The following CPA3 variants were observed in gnomAD, a reference collection of about 807,000 sequenced individuals.
The protein encoded by CPA3 is carboxypeptidase A3.
CPA3 carries 52 observed loss-of-function variants against 55.8 expected under a neutral mutation model. That is an observed-to-expected ratio of 0.93 (90% confidence interval 0.75 to 1.17). CPA3 has a LOEUF of 1.17. CPA3 is among the 50% of genes most tolerant of loss of function. The pLI is 0.00. For synonymous variants in CPA3, 179 were observed against 171.2 expected (o/e 1.05, Z -0.36); for missense variants, 547 against 509.1 (o/e 1.07, Z -0.72).
chr3:148,875,191 T>C (rs965057752), intron 3 of CPA3, among the ~76,000 whole-genome samples: 6 of 152,124 alleles, frequency 3.9e-5, no homozygotes, highest in Non-Finnish European at 7.3e-5. Context: ...CTAGAGTGAA[T>C]GTTAAAAAAT....
chr3:148,884,669 C>T (rs3772578), intron 9 of CPA3, among the ~76,000 whole-genome samples: 93,980 of 151,892 alleles, frequency 0.62, 29,235 homozygotes, highest in Middle Eastern at 0.69. Flanking sequence ...GAGCAGAGAC[C>T]TGAATCAGTC....
intron 2 of CPA3, among the ~76,000 whole-genome samples, chr3:148,867,140 T>A (rs951204461): frequency 5.9e-5 from 9 of 152,174 alleles, no homozygotes; most frequent in African/African-American, 2.2e-4. Context: ...ATCCTGCTCC[T>A]CCACCTTCTT....
intron 10 of CPA3, among the ~76,000 whole-genome samples, chr3:148,888,240 G>A (rs1401544311): frequency 3.9e-5 from 6 of 152,162 alleles, no homozygotes; most frequent in Non-Finnish European, 7.3e-5. Context: ...TGAAAATGCC[G>A]GAATCAACAT....
intron 4 of CPA3, 42 bp downstream of exon 4, chr3:148,878,585 A>G (rs1359577267): frequency 7.0e-6 from 11 of 1,561,760 alleles, no homozygotes; most frequent in South Asian, 4.6e-5. Flanking sequence ...AGTTACCCTT[A>G]ATATTTATTG....
chr3:148,883,788 A>G lies in CPA3; in HGVS notation c.954A>G (p.Ser318=). ...QMLLFPYGYT[S]KLPPNHEDLA... ...TATTGTTTCCCTATGGATATACATC[A>G]AAACTGCCACCTAACCATGAGGACT... The change falls in exon 9 of 11, where the codon TCA becomes TCG. Residue 318 remains serine, a synonymous_variant. Transcript: ENST00000296046. The G allele has an allele frequency of 1.2e-6, 2 of 1,614,084 alleles. No homozygotes were observed. The highest frequency in any genetic ancestry group is 1.7e-6 in the Non-Finnish European group (2 of 1,179,926).
At chr3:148,877,572 A>G (rs1714243032) in intron 3 of CPA3, among the ~76,000 whole-genome samples, 4 of 152,140 alleles carry the variant, frequency 2.6e-5, no homozygotes, top group Admixed American at 2.0e-4. Context: ...CCTCAACATT[A>G]GTCTCCTAGT....
At chr3:148,867,049 C>A (rs1713920516) in intron 2 of CPA3, among the ~76,000 whole-genome samples, 1 of 152,190 alleles carries the variant, frequency 6.6e-6, no homozygotes, top group African/African-American at 2.4e-5. Context: ...AGCCACCATG[C>A]CCAGTCAGAA....
rs1356209982 is a variant in CPA3, at chr3:148,879,829, T to C, written c.516T>C (p.Asp172=). The stretch of plus-strand genomic sequence containing the variant: ...AAAGAAGAAAGGCTATTTTTACGGA[T>C]TGTGGCATTCACGCACGAGAATGGG... ...KNERRKAIFT[D]CGIHAREWVS... The change falls in exon 6 of 11, where the codon GAT becomes GAC. Residue 172 remains aspartate, a synonymous_variant. Coordinates refer to ENST00000296046, the MANE Select transcript of CPA3 (RefSeq NM_001870.4). 1 of 1,612,612 alleles carries C rather than the reference T, an allele frequency of 6.2e-7. No individual in the cohort carries two copies. Among genetic ancestry groups the C allele is most frequent in the Non-Finnish European group, 8.5e-7 (1 of 1,178,792 alleles).
At chr3:148,886,051 A>G (rs1282204247) in intron 9 of CPA3, 42 bp from the exon 10 acceptor site, 2 of 1,338,888 alleles carry the variant, frequency 1.5e-6, no homozygotes, top group African/African-American at 1.5e-5. Context: ...TGGTATTTAC[A>G]CAGTATCCTA....
intron 3 of CPA3, among the ~76,000 whole-genome samples, chr3:148,872,822 T>C (rs539972896): frequency 6.6e-6 from 1 of 152,200 alleles, no homozygotes; most frequent in Non-Finnish European, 1.5e-5. Flanking sequence ...GGTAGGAAAG[T>C]GGGTTCTGAA....
intron 3 of CPA3, among the ~76,000 whole-genome samples, chr3:148,876,111 T>C (rs1003852458): frequency 2.0e-5 from 3 of 151,810 alleles, no homozygotes; most frequent in East Asian, 1.9e-4. Context: ...TCTAATAAAA[T>C]AGCTAAGTGT....
chr3:148,879,851 T>C lies in CPA3; in HGVS notation c.538T>C (p.Trp180Arg). The C allele has an allele frequency of 6.2e-7, 1 of 1,612,970 alleles. No individual in the cohort carries two copies. The highest frequency in any genetic ancestry group is 8.5e-7 in the Non-Finnish European group (1 of 1,179,062). Residue 180 changes from tryptophan (W) to arginine (R), a missense_variant, in exon 6 of 11, where the codon TGG becomes CGG. Transcript: ENST00000296046. The stretch of plus-strand genomic sequence containing the variant: ...GGATTGTGGCATTCACGCACGAGAA[T>C]GGGTCTCCCCAGCATTCTGCCAGTG... ...FTDCGIHAREWVSPAFCQWFV... is the reference protein window; with the variant it reads ...FTDCGIHARERVSPAFCQWFV...
At chr3:148,879,651 A>C (rs1714304078) in intron 5 of CPA3, 137 bp from the exon 6 acceptor site, 3 of 603,150 alleles carry the variant, frequency 5.0e-6, no homozygotes, top group Non-Finnish European at 6.1e-6. Flanking sequence ...TTCTGAGAAC[A>C]ATATGTGCAT....
chr3:148,891,485 CACACACACACACACACACACACACACAT>C (rs1298784019), intron 10 of CPA3, among the ~76,000 whole-genome samples: 3 of 52,834 alleles, frequency 5.7e-5, no homozygotes, highest in Non-Finnish European at 1.0e-4. Context: ...GTCACATACA[CACACACACACACACACACACACACACAT>C]ACACACACAC....
Position 148,865,535 on chromosome 3 carries a change from C to A in CPA3, c.131C>A (p.Ala44Asp). 1.2e-6 allele frequency: 2 copies of A among 1,613,726 alleles called. No homozygotes were observed. The highest frequency in any genetic ancestry group is 1.7e-6 in the Non-Finnish European group (2 of 1,179,798). ...EKQADIIKDLAKTNELDFWYP... is the reference protein window; with the variant it reads ...EKQADIIKDLDKTNELDFWYP... ...CAAGCAGACATCATAAAGGACTTGG[C>A]CAAAACCAATGAGGTAAGCATTTAG... Residue 44 changes from alanine (A) to aspartate (D), a missense_variant, in exon 2 of 11, where the codon GCC becomes GAC. Ala to Asp is a moderately radical substitution (Grantham distance 126). Transcript: ENST00000296046.
intron 9 of CPA3, among the ~76,000 whole-genome samples, chr3:148,885,568 C>T (rs548634002): frequency 6.6e-6 from 1 of 151,616 alleles, no homozygotes; most frequent in East Asian, 2.0e-4. Context: ...ATGGCACCAC[C>T]CCCAGCTAAT....
At chr3:148,887,501 T>C (rs2108038056) in intron 10 of CPA3, among the ~76,000 whole-genome samples, 1 of 152,294 alleles carries the variant, frequency 6.6e-6, no homozygotes, top group Admixed American at 6.5e-5. Flanking sequence ...GCCCTGATCC[T>C]GACCACTGCA....
chr3:148,871,663 C>T (rs1714069902), intron 3 of CPA3, among the ~76,000 whole-genome samples: 1 of 152,126 alleles, frequency 6.6e-6, no homozygotes, highest in Admixed American at 6.5e-5. Context: ...AAAGGAGTTT[C>T]TTGCTTTCTA....
intron 5 of CPA3, 80 bp downstream of exon 5, chr3:148,878,828 G>A: frequency 1.2e-6 from 1 of 816,452 alleles, no homozygotes; most frequent in Non-Finnish European, 2.0e-6. Flanking sequence ...ACACAACTAA[G>A]CTAATTCTGA....
Sources: gnomAD v4.1 joint callset for allele counts (sites outside exome capture counted in the v4.1 genomes callset) on GRCh38, gnomAD v4.1.1 for gene constraint, MANE v1.5 for transcripts, NCBI Gene and HGNC (gene_info 2026-07-23, HGNC 2026-07-21) for gene names.